TYW1B: variants seen among roughly 807,000 people sequenced by gnomAD.
TYW1B encodes the protein tRNA-yW synthesizing protein 1 homolog B.
In TYW1B, 73 loss-of-function variants were observed where a neutral mutation model predicts 86.9. The observed-to-expected ratio is 0.84, with a 90% confidence interval of 0.70 to 1.02. The LOEUF is 1.02. TYW1B is among the 50% of genes least tolerant of loss of function. TYW1B has a pLI of 0.00. For synonymous variants in TYW1B, 248 were observed against 292.8 expected (o/e 0.85, Z 1.56); for missense variants, 637 against 827.4 (o/e 0.77, Z 2.82).
chr7:72,639,480 A>C (rs2129568994), intron 11 of TYW1B, among the ~76,000 whole-genome samples: 1 of 152,232 alleles, frequency 6.6e-6, no homozygotes, highest in East Asian at 1.9e-4. Flanking sequence ...TTGTTTTTTA[A>C]AAAGTCCTTC....
intron 6 of TYW1B, among the ~76,000 whole-genome samples, chr7:72,790,618 G>T (rs1441832071): frequency 6.6e-6 from 1 of 152,180 alleles, no homozygotes; most frequent in Non-Finnish European, 1.5e-5. Context: ...TCAACCTGCT[G>T]CCTTGGCTGC....
At chr7:72,716,170 C>T (rs141988509) in intron 9 of TYW1B, among the ~76,000 whole-genome samples, 4,771 of 152,266 alleles carry the variant, frequency 0.031, 174 homozygotes, top group Non-Finnish European at 0.037. Context: ...ATCTCCTGAC[C>T]TCGTGATCTG....
intron 11 of TYW1B, among the ~76,000 whole-genome samples, chr7:72,655,971 C>A (rs1436376483): frequency 6.6e-6 from 1 of 152,218 alleles, no homozygotes; most frequent in South Asian, 2.1e-4. Context: ...ACAGGCCCAG[C>A]CCATGACTGC....
At chr7:72,740,214 C>CA (rs1554461811) in intron 8 of TYW1B, among the ~76,000 whole-genome samples, 5 of 151,788 alleles carry the variant, frequency 3.3e-5, no homozygotes, top group African/African-American at 1.2e-4. Flanking sequence ...GCCTGGGCGA[C>CA]AGAGTGAGAC....
Position 72,828,117 on chromosome 7 carries a change from G to C in TYW1B, c.-42C>G. On this transcript the variant is annotated 5_prime_UTR_variant, in exon 1 of 14. Coordinates refer to ENST00000620995, the MANE Select transcript of TYW1B (RefSeq NM_001145440.3). ...AGGAGACTAGGATCTCGGACCTGGA[G>C]AGCCCAAAGGTTCGCACTGGTACTG... The C allele has an allele frequency of 6.2e-7, 1 of 1,612,944 alleles. No homozygotes were observed. Among genetic ancestry groups the C allele is most frequent in the Non-Finnish European group, 8.5e-7 (1 of 1,179,570 alleles).
intron 11 of TYW1B, among the ~76,000 whole-genome samples, chr7:72,637,271 G>A (rs1483753613): frequency 1.3e-5 from 2 of 151,648 alleles, no homozygotes; most frequent in Non-Finnish European, 2.9e-5. Context: ...ATCTGGGCCT[G>A]GAGTTTCCTT....
chr7:72,705,798 A>G (rs1268446186), intron 10 of TYW1B, among the ~76,000 whole-genome samples: 1 of 152,138 alleles, frequency 6.6e-6, no homozygotes, highest in Non-Finnish European at 1.5e-5. Flanking sequence ...GGAAGAAGCT[A>G]TTCAGTGTTG....
chr7:72,726,982 A>T (rs1388650573), intron 9 of TYW1B, among the ~76,000 whole-genome samples: 2 of 152,148 alleles, frequency 1.3e-5, no homozygotes, highest in Non-Finnish European at 2.9e-5. Context: ...AGATCTCGTG[A>T]GAACTCACTC....
At chr7:72,796,915 C>T (rs7794812) in intron 6 of TYW1B, among the ~76,000 whole-genome samples, 100,342 of 146,976 alleles carry the variant, frequency 0.68, 35,241 homozygotes, top group Non-Finnish European at 0.77. Context: ...GCGATTCTCC[C>T]GCCTCAGCCT....
At chr7:72,637,470 G>A (rs528390973) in intron 11 of TYW1B, among the ~76,000 whole-genome samples, 41 of 151,650 alleles carry the variant, frequency 2.7e-4, no homozygotes, top group African/African-American at 8.5e-4. Context: ...AGGATCTATA[G>A]TGATGTTTCA....
intron 11 of TYW1B, among the ~76,000 whole-genome samples, chr7:72,675,218 G>C (rs1813707830): frequency 6.6e-6 from 1 of 152,148 alleles, no homozygotes; most frequent in South Asian, 2.1e-4. Context: ...GGCCAACATG[G>C]TGAAACCCCG....
At chr7:72,679,153 T>C (rs1427966123) in intron 11 of TYW1B, among the ~76,000 whole-genome samples, 2 of 152,126 alleles carry the variant, frequency 1.3e-5, no homozygotes, top group Non-Finnish European at 1.5e-5. Context: ...TTCGTGAGGA[T>C]AGAAAATAGA....
intron 11 of TYW1B, among the ~76,000 whole-genome samples, chr7:72,667,031 CAAAAAAA>C (rs60691255): frequency 4.7e-5 from 2 of 42,374 alleles, no homozygotes; most frequent in African/African-American, 1.1e-4. Context: ...GACTCCGTCT[CAAAAAAA>C]AAAAAAAAAA....
chr7:72,638,765 A>G (rs1812730080), intron 11 of TYW1B, among the ~76,000 whole-genome samples: 1 of 152,236 alleles, frequency 6.6e-6, no homozygotes, highest in Non-Finnish European at 1.5e-5. Context: ...AAAATCCACT[A>G]ATCAATCTTA....
At chr7:72,665,010 TA>T (rs2129569542) in intron 11 of TYW1B, among the ~76,000 whole-genome samples, 1 of 152,348 alleles carries the variant, frequency 6.6e-6, no homozygotes, top group South Asian at 2.1e-4. Context: ...GTTGTATTGT[TA>T]TTTTTTTCTG....
chr7:72,696,199 T>G (rs1190106079), intron 10 of TYW1B, among the ~76,000 whole-genome samples: 6 of 152,100 alleles, frequency 3.9e-5, no homozygotes, highest in Non-Finnish European at 8.8e-5. Context: ...CCACGCACCT[T>G]GGCCTCCCAA....
intron 11 of TYW1B, among the ~76,000 whole-genome samples, chr7:72,652,377 G>GAAAAAAAAA (rs1169791430): frequency 9.6e-5 from 3 of 31,296 alleles, no homozygotes; most frequent in African/African-American, 1.7e-4. Flanking sequence ...GACTCTGTCT[G>GAAAAAAAAA]AAAAAAAAAA....
rs782550663 is a variant in TYW1B, at chr7:72,807,322, A to T, written c.467T>A (p.Leu156His). 2.0e-5 allele frequency: 33 copies of T among 1,613,138 alleles called. No homozygotes were observed. Among genetic ancestry groups the T allele is most frequent in the Non-Finnish European group, 2.8e-5 (33 of 1,179,248 alleles). ...GKNVDKWLWMLGVHRVMSRGE... is the reference protein window; with the variant it reads ...GKNVDKWLWMHGVHRVMSRGE... The stretch of plus-strand genomic sequence containing the variant: ...TCGACTCATCACACGATGCACGCCA[A>T]GCATCCAGAGCCACTTGTCAACATT... Residue 156 changes from leucine to histidine, a missense_variant, in exon 5 of 14, where the codon CTT (leucine) becomes CAT (histidine). Transcript: ENST00000620995.
intron 8 of TYW1B, among the ~76,000 whole-genome samples, chr7:72,731,158 C>CA (rs1722355771): frequency 7.2e-6 from 1 of 138,468 alleles, no homozygotes; most frequent in Admixed American, 7.2e-5. Context: ...GACCACCAAG[C>CA]AAAACTATCC....
Sources: gnomAD v4.1 joint callset for allele counts (sites outside exome capture counted in the v4.1 genomes callset) on GRCh38, gnomAD v4.1.1 for gene constraint, MANE v1.5 for transcripts, NCBI Gene and HGNC (gene_info 2026-07-23, HGNC 2026-07-21) for gene names.